Variants in USP37 observed in about 807,000 individuals in gnomAD.
The protein encoded by USP37 is ubiquitin carboxyl-terminal hydrolase 37.
USP37 carries 27 observed loss-of-function variants against 124.0 expected under a neutral mutation model. The ratio of observed to expected loss-of-function variants is 0.22; its 90% CI spans 0.16 to 0.30. USP37 has a LOEUF of 0.30. Among genes scored for constraint, USP37 ranks in the 10% least tolerant of loss-of-function variants. The pLI is 1.00. For missense variants in USP37, 889 were observed against 1,140.4 expected (o/e 0.78, Z 3.17); for synonymous variants, 365 against 388.0 (o/e 0.94, Z 0.70).
chr2:218,541,012 AG>A (rs1367067371), intron 8 of USP37, among the ~76,000 whole-genome samples: 4 of 152,190 alleles, frequency 2.6e-5, no homozygotes, highest in Non-Finnish European at 5.9e-5. Context: ...CAGAATGAAG[AG>A]GATCTCATTA....
chr2:218,501,953 C>T lies in USP37; in HGVS notation c.1026-3796G>A, dbSNP rs190395114. Among the ~76,000 whole-genome samples the T allele has an allele frequency of 2.7e-3, 414 of 152,222 alleles. 2 individuals are homozygous for T. Among genetic ancestry groups the T allele is most frequent in the African/African-American group, 9.7e-3 (401 of 41,546 alleles). Reference sequence around the variant, plus strand: ...AACTCACACAGGGACTAAAATTCCACCAGTTCGAATTTACACCAGTCAGAG... The same window carrying T: ...AACTCACACAGGGACTAAAATTCCATCAGTTCGAATTTACACCAGTCAGAG... On this transcript the variant is annotated intron_variant, in intron 11 of 25. Transcript: ENST00000258399.
At chr2:218,553,506 G>C (rs1340737824) in intron 5 of USP37, 47 bp downstream of exon 5, 1 of 1,534,028 alleles carries the variant, frequency 6.5e-7, no homozygotes, top group South Asian at 1.3e-5. Context: ...TCTAGTCATA[G>C]CCTTGTAAAA....
chr2:218,555,074 T>G (rs1490972218), intron 4 of USP37, among the ~76,000 whole-genome samples: 6 of 152,246 alleles, frequency 3.9e-5, no homozygotes, highest in Admixed American at 3.9e-4. Context: ...GGAAATGTGC[T>G]ATGAAGCGAT....
intron 1 of USP37, among the ~76,000 whole-genome samples, chr2:218,567,446 C>G (rs186666126): frequency 6.6e-6 from 1 of 152,088 alleles, no homozygotes; most frequent in African/African-American, 2.4e-5. Context: ...ATACACACAC[C>G]GCGCACATTT....
chr2:218,466,800 T>C (rs1690350813), intron 20 of USP37, among the ~76,000 whole-genome samples: 1 of 152,096 alleles, frequency 6.6e-6, no homozygotes, highest in African/African-American at 2.4e-5. Flanking sequence ...AGTGGCACTA[T>C]CTCGGCTCAC....
At chr2:218,517,412 T>A (rs1690354169) in intron 10 of USP37, among the ~76,000 whole-genome samples, 1 of 144,884 alleles carries the variant, frequency 6.9e-6, no homozygotes, top group African/African-American at 2.4e-5. Context: ...TTTCCTTTAG[T>A]ACATATTTGT....
chr2:218,487,663 C>T (rs1424292507), intron 15 of USP37, among the ~76,000 whole-genome samples: 3 of 152,074 alleles, frequency 2.0e-5, no homozygotes, highest in Non-Finnish European at 4.4e-5. Flanking sequence ...TTGTGAACCG[C>T]CTGCCTTGGC....
chr2:218,525,072 T>C (rs1690881388), intron 10 of USP37, among the ~76,000 whole-genome samples: 1 of 152,262 alleles, frequency 6.6e-6, no homozygotes, highest in African/African-American at 2.4e-5. Flanking sequence ...TAAAAACATT[T>C]AGATTAAAAA....
chr2:218,483,982 G>A (rs1691400585), intron 16 of USP37, among the ~76,000 whole-genome samples: 2 of 151,632 alleles, frequency 1.3e-5, no homozygotes, highest in Admixed American at 1.3e-4. Context: ...AACACGGCGC[G>A]ACCCTGTCTC....
At chr2:218,485,583 A>G in intron 16 of USP37, 81 bp downstream of exon 16, 2 of 1,434,796 alleles carry the variant, frequency 1.4e-6, no homozygotes, top group Non-Finnish European at 1.9e-6. Flanking sequence ...TGAACTTTAA[A>G]AAGAAAAATT....
chr2:218,497,198 G>A (rs1340709926), intron 13 of USP37, among the ~76,000 whole-genome samples: 6 of 151,816 alleles, frequency 4.0e-5, no homozygotes, highest in African/African-American at 1.5e-4. Flanking sequence ...AGCTTCCTGA[G>A]TAGCTGGGAT....
At chr2:218,529,836 T>C in intron 10 of USP37, 120 bp downstream of exon 10, 1 of 731,430 alleles carries the variant, frequency 1.4e-6, no homozygotes, top group Non-Finnish European at 2.2e-6. Context: ...ATGAGTCTCG[T>C]CAATTTTGTT....
At chr2:218,463,410 GATTA>G in intron 21 of USP37, 44 bp from the exon 22 acceptor site, 1 of 1,552,294 alleles carries the variant, frequency 6.4e-7, no homozygotes, top group Non-Finnish European at 8.9e-7. Flanking sequence ...AAGAGGTACT[GATTA>G]AACTTACTTA....
At chr2:218,523,556 A>C (rs1460104169) in intron 10 of USP37, among the ~76,000 whole-genome samples, 2 of 151,978 alleles carry the variant, frequency 1.3e-5, no homozygotes, top group African/African-American at 4.8e-5. Flanking sequence ...AAACCTTATA[A>C]AGCTGTTTTT....
intron 10 of USP37, among the ~76,000 whole-genome samples, chr2:218,510,720 C>T (rs1464616932): frequency 4.0e-5 from 6 of 151,884 alleles, no homozygotes; most frequent in Admixed American, 6.6e-5. Flanking sequence ...TTGCTGGGTC[C>T]GGTGGCTCAC....
At chr2:218,483,731 G>T (rs1010787463) in intron 16 of USP37, among the ~76,000 whole-genome samples, 6 of 152,084 alleles carry the variant, frequency 3.9e-5, no homozygotes, top group African/African-American at 1.4e-4. Flanking sequence ...GTCAAAACTA[G>T]TCTTTTTAAC....
chr2:218,517,560 C>T (rs1225034874), intron 10 of USP37, among the ~76,000 whole-genome samples: 1 of 152,168 alleles, frequency 6.6e-6, no homozygotes, highest in East Asian at 1.9e-4. Flanking sequence ...ATATTTCTGG[C>T]TTCTACAATT....
intron 11 of USP37, among the ~76,000 whole-genome samples, chr2:218,506,580 C>T (rs1301503942): frequency 1.3e-5 from 2 of 150,408 alleles, no homozygotes; most frequent in African/African-American, 4.9e-5. Context: ...CCACCACGCC[C>T]GGCCCTTTCT....
intron 4 of USP37, among the ~76,000 whole-genome samples, chr2:218,556,199 G>A (rs747474896): frequency 2.0e-5 from 3 of 152,128 alleles, no homozygotes; most frequent in Admixed American, 1.3e-4. Context: ...ACTCCTCAGT[G>A]TCCATATATT....
Sources: gnomAD v4.1 joint callset for allele counts (sites outside exome capture counted in the v4.1 genomes callset) on GRCh38, gnomAD v4.1.1 for gene constraint, MANE v1.5 for transcripts, NCBI Gene and HGNC (gene_info 2026-07-23, HGNC 2026-07-21) for gene names.